The following SLCO3A1 variants were observed in gnomAD, a reference collection of about 807,000 sequenced individuals.
The protein encoded by SLCO3A1 is PGE1 transporter.
A neutral mutation model predicts 63.1 loss-of-function variants in SLCO3A1; 27 were observed. The observed-to-expected ratio is 0.43, with a 90% confidence interval of 0.32 to 0.59. The LOEUF (loss-of-function observed/expected upper bound fraction) is 0.59. Ranked by LOEUF, SLCO3A1 falls within the 20% of genes least tolerant of loss-of-function variation. SLCO3A1 has a pLI of 0.09. For synonymous variants in SLCO3A1, 473 were observed against 409.9 expected (o/e 1.15, Z -1.86); for missense variants, 773 against 945.8 (o/e 0.82, Z 2.40).
chr15:91,882,121 A>G lies in SLCO3A1; in HGVS notation c.180+28033A>G, dbSNP rs2151346621. Among the ~76,000 whole-genome samples, 1 of 152,318 alleles carries G rather than the reference A, an allele frequency of 6.6e-6. No homozygotes were observed. Among genetic ancestry groups the G allele is most frequent in the East Asian group, 1.9e-4 (1 of 5,186 alleles). Reference sequence around the variant, plus strand: ...GCCTAGAAGGGAAGCAGTGCATTCCAGGATCAGGCAGTATAAACAGTGCTT... The same window carrying G: ...GCCTAGAAGGGAAGCAGTGCATTCCGGGATCAGGCAGTATAAACAGTGCTT... On this transcript the variant is annotated intron_variant, in intron 1 of 9. Coordinates refer to ENST00000318445, the MANE Select transcript of SLCO3A1 (RefSeq NM_013272.4). This position sits in a 1 kb window ranked among gnomAD's most constrained non-coding sequence, Gnocchi z 4.4.
At position 92,138,771 on chromosome 15, in the gene SLCO3A1, C is replaced by T. The variant is rs2048090349; in HGVS notation, c.1513-8213C>T. On this transcript the variant is annotated intron_variant, in intron 7 of 9. Transcript: ENST00000318445. ...GGGAGTTCACTCATGATTTGGCTCT[C>T]TGTTTGTCTGTTGTTGGTGTATAAG... Among the ~76,000 whole-genome samples the T allele has an allele frequency of 2.4e-5, 2 of 83,974 alleles. 1 individual carries two copies. Among genetic ancestry groups the T allele is most frequent in the African/African-American group, 1.5e-4 (2 of 13,190 alleles). The allele number at this position is 83,974 out of a possible 152,430, so 55.1% of individuals were successfully genotyped here. A position where few individuals can be genotyped will look rare whatever the true frequency, so the allele number is the denominator to read the frequency against.
chr15:92,062,416 G>A (rs899481778), intron 2 of SLCO3A1, among the ~76,000 whole-genome samples: 10 of 152,282 alleles, frequency 6.6e-5, no homozygotes, highest in South Asian at 6.2e-4. Context: ...AAAGGGGCCC[G>A]AGTGCCGTGT....
rs1455794851 is a variant in SLCO3A1 at position 91,882,526 on chromosome 15, T to C, written c.180+28438T>C. Reference sequence around the variant, plus strand: ...CCCCCACTATGTATGACTTCTTTTTTTTCCTTGAGATGGAGTTTCACTCTG... The same window carrying C: ...CCCCCACTATGTATGACTTCTTTTTCTTCCTTGAGATGGAGTTTCACTCTG... On this transcript the variant is annotated intron_variant, in intron 1 of 9. Transcript: ENST00000318445. This position sits in a 1 kb window ranked among gnomAD's most constrained non-coding sequence, Gnocchi z 4.4. Among the ~76,000 whole-genome samples the C allele has an allele frequency of 6.6e-6, 1 of 152,052 alleles. No individual in the cohort carries two copies. Among genetic ancestry groups the C allele is most frequent in the Non-Finnish European group, 1.5e-5 (1 of 68,020 alleles).
At chr15:92,012,377 G>A (rs2046378294) in intron 2 of SLCO3A1, among the ~76,000 whole-genome samples, 1 of 152,122 alleles carries the variant, frequency 6.6e-6, no homozygotes. Context: ...GGTTTTCAAG[G>A]TCCCTTCCCA....
intron 2 of SLCO3A1, among the ~76,000 whole-genome samples, chr15:92,038,644 G>GTT (rs2046757065): frequency 6.6e-6 from 1 of 152,260 alleles, no homozygotes; most frequent in South Asian, 2.1e-4. Context: ...TCCTGGATAG[G>GTT]AAGAATCAAT....
intron 9 of SLCO3A1, chr15:92,157,134 C>A (rs1365670556): frequency 1.3e-5 from 2 of 152,124 alleles, no homozygotes; most frequent in Non-Finnish European, 2.9e-5. Context: ...TAGCGGGCAA[C>A]AGCATTGAGC....
chr15:92,035,423 A>T (rs1361474645), intron 2 of SLCO3A1, among the ~76,000 whole-genome samples: 1 of 151,878 alleles, frequency 6.6e-6, no homozygotes, highest in Non-Finnish European at 1.5e-5. Context: ...TATAGAATAT[A>T]TAAACTCATG....
At position 91,886,682 on chromosome 15, in the gene SLCO3A1, A is replaced by G. The variant is rs1385139260; in HGVS notation, c.181-29311A>G. On this transcript the variant is annotated intron_variant, in intron 1 of 9. Coordinates refer to ENST00000318445, the MANE Select transcript of SLCO3A1 (RefSeq NM_013272.4). The surrounding 1 kb of genome is among the most constrained non-coding windows in gnomAD (Gnocchi z 4.9). ...TCCTTATCTCTCAGGCTTTGCTTTC[A>G]AGACTTCACACTGACTACATCAATC... is the stretch of plus-strand genomic sequence containing the variant. Among the ~76,000 whole-genome samples the G allele has an allele frequency of 6.6e-6, 1 of 152,158 alleles. No individual in the cohort carries two copies. The highest frequency in any genetic ancestry group is 1.5e-5 in the Non-Finnish European group (1 of 68,032).
intron 2 of SLCO3A1, among the ~76,000 whole-genome samples, chr15:91,955,452 CCT>C (rs1567036237): frequency 6.6e-6 from 1 of 152,058 alleles, no homozygotes; most frequent in African/African-American, 2.4e-5. Flanking sequence ...CCTGTCTCAG[CCT>C]CTCTAGTAGC....
intron 9 of SLCO3A1, among the ~76,000 whole-genome samples, chr15:92,157,423 G>GC (rs1567153074): frequency 1.3e-4 from 19 of 150,216 alleles, no homozygotes; most frequent in South Asian, 4.2e-4. Context: ...AAGTACACCT[G>GC]GCCCCCCCCC....
downstream of SLCO3A1, among the ~76,000 whole-genome samples, chr15:92,167,051 G>C (rs1254525787): frequency 6.6e-6 from 1 of 152,248 alleles, no homozygotes; most frequent in African/African-American, 2.4e-5. Context: ...TTCTGTTGCA[G>C]TTGGACGGAG....
chr15:91,893,107 A>G (rs973273097), intron 1 of SLCO3A1, among the ~76,000 whole-genome samples: 1 of 152,240 alleles, frequency 6.6e-6, no homozygotes, highest in African/African-American at 2.4e-5. Flanking sequence ...AAGATGCCTT[A>G]TCTCTGCTCT....
At chr15:92,124,926 G>A (rs1310086070) in intron 5 of SLCO3A1, among the ~76,000 whole-genome samples, 1 of 152,138 alleles carries the variant, frequency 6.6e-6, no homozygotes, top group Admixed American at 6.5e-5. Flanking sequence ...GGTTGGGATG[G>A]GCAGTGCGGT....
chr15:92,035,638 A>G (rs2046716527), intron 2 of SLCO3A1, among the ~76,000 whole-genome samples: 2 of 151,604 alleles, frequency 1.3e-5, no homozygotes, highest in Admixed American at 6.6e-5. Context: ...CATAATTGCA[A>G]CCGTGAAGTG....
intron 1 of SLCO3A1, among the ~76,000 whole-genome samples, chr15:91,898,586 A>G (rs1158142376): frequency 6.6e-6 from 1 of 152,024 alleles, no homozygotes; most frequent in African/African-American, 2.4e-5. Flanking sequence ...GGAATTTAAC[A>G]TTTCGATCCG....
At chr15:92,144,652 A>G (rs1464491798) in intron 7 of SLCO3A1, among the ~76,000 whole-genome samples, 1 of 152,354 alleles carries the variant, frequency 6.6e-6, no homozygotes, top group South Asian at 2.1e-4. Flanking sequence ...GCAAGGTGGC[A>G]TATGCTGGTG....
At chr15:91,963,393 T>A in intron 2 of SLCO3A1, among the ~76,000 whole-genome samples, 1 of 21,280 alleles carries the variant, frequency 4.7e-5, no homozygotes, top group Non-Finnish European at 8.5e-5. Context: ...TCGTGAGGGT[T>A]TAACTCGGGG....
At chr15:92,016,250 TAGATTAGATAGA>T (rs1461434974) in intron 2 of SLCO3A1, among the ~76,000 whole-genome samples, 15 of 55,500 alleles carry the variant, frequency 2.7e-4, no homozygotes, top group African/African-American at 1.5e-3. Context: ...GATAGATAGA[TAGATTAGATAGA>T]TAGATAGATA....
chr15:92,062,224 G>C (rs2047095218), intron 2 of SLCO3A1, among the ~76,000 whole-genome samples: 1 of 152,182 alleles, frequency 6.6e-6, no homozygotes, highest in Non-Finnish European at 1.5e-5. Flanking sequence ...GTTTCAGATG[G>C]TAAAAGTTTT....
Sources: gnomAD v4.1 joint callset for allele counts (sites outside exome capture counted in the v4.1 genomes callset) on GRCh38, gnomAD v4.1.1 for gene constraint, Gnocchi (gnomAD v3.1) non-coding constraint, MANE v1.5 for transcripts, NCBI Gene and HGNC (gene_info 2026-07-23, HGNC 2026-07-21) for gene names.